The following DENND2B variants were observed in gnomAD, a reference collection of about 807,000 sequenced individuals.
DENND2B encodes the protein DENN domain containing 2B, also known as DENN domain-containing protein 2B.
In DENND2B, 32 loss-of-function variants were observed where a neutral mutation model predicts 116.0. The observed-to-expected ratio is 0.28, with a 90% CI of 0.21 to 0.37. DENND2B has a LOEUF of 0.37. DENND2B is among the 10% of genes least tolerant of loss of function. The pLI is 1.00. For synonymous variants in DENND2B, 588 were observed against 583.9 expected, an observed-to-expected ratio of 1.01 and a Z score of -0.10; for missense variants, 1,276 against 1,477.7, an observed-to-expected ratio of 0.86 and a Z score of 2.24.
chr11:8,766,647 C>T (rs1306581182), intron 1 of DENND2B: 2 of 1,289,182 alleles, frequency 1.6e-6, no homozygotes, highest in Admixed American at 4.6e-5. Context: ...CTTCTTTGTT[C>T]CCACGGGGTT....
chr11:8,749,244 T>C (rs1363667153), intron 2 of DENND2B, among the ~76,000 whole-genome samples: 1 of 152,198 alleles, frequency 6.6e-6, no homozygotes, highest in African/African-American at 2.4e-5. Context: ...ACCAACATGT[T>C]CTGGAGGAGG....
chr11:8,718,142 G>C (rs968383068), intron 4 of DENND2B: 14 of 96,356 alleles, frequency 1.5e-4, no homozygotes, highest in Non-Finnish European at 2.7e-4. Flanking sequence ...AGCTCAGCCT[G>C]GCCTCTGCTT....
chr11:8,838,614 T>TC (rs1230363845), intron 4 of DENND2B, among the ~76,000 whole-genome samples: 1 of 151,960 alleles, frequency 6.6e-6, no homozygotes, highest in Non-Finnish European at 1.5e-5. Context: ...CAGAGGGAAA[T>TC]CGAAGAGACC....
chr11:8,863,959 G>C (rs2063493333), intron 2 of DENND2B, among the ~76,000 whole-genome samples: 1 of 152,086 alleles, frequency 6.6e-6, no homozygotes, highest in Non-Finnish European at 1.5e-5. Flanking sequence ...AGACTTTCAA[G>C]AAAAGCTTCT....
At chr11:8,816,995 T>G (rs2061590849) in intron 4 of DENND2B, among the ~76,000 whole-genome samples, 1 of 152,014 alleles carries the variant, frequency 6.6e-6, no homozygotes, top group Non-Finnish European at 1.5e-5. Context: ...CCATCACCAA[T>G]GAACAGTAGC....
At position 8,855,682 on chromosome 11, in the gene DENND2B, C is replaced by G. The variant is rs9787966; in HGVS notation, c.-156+1661G>C. Among the ~76,000 whole-genome samples, 107 of 152,064 alleles carry G rather than the reference C, an allele frequency of 7.0e-4. 2 individuals are homozygous for G. In the East Asian group the frequency reaches 0.021, roughly 29 times the overall value. ...GGGATTACATGGCAACAGAGATTCTCCTGGAAGGGTTTCTAACTTTAGGGC... is the reference window on the plus strand; with the variant it reads ...GGGATTACATGGCAACAGAGATTCTGCTGGAAGGGTTTCTAACTTTAGGGC... On this transcript the variant is annotated intron_variant, in intron 3 of 6. Coordinates refer to the DENND2B transcript ENST00000524757.
At position 8,718,318 on chromosome 11, in the gene DENND2B, T is replaced by C. The variant is rs907565711; in HGVS notation, c.1478-426A>G. The C allele has an allele frequency of 2.7e-6, 4 of 1,503,394 alleles. No individual in the cohort carries two copies. In the African/African-American group the frequency reaches 4.2e-5, roughly 16 times the overall value. The allele number at this position is 1,503,394 out of a possible 1,614,324, so 93.1% of individuals were successfully genotyped here. On this transcript the variant is annotated intron_variant, in intron 4 of 19. Transcript: ENST00000313726. The stretch of plus-strand genomic sequence containing the variant: ...GAAGGGTTTTCAGGTCACATGGCTG[T>C]CCCTTCACCCAACTCTCAGGGGATC...
rs114265331 is a variant in DENND2B, at chr11:8,697,394, G to C, written c.3052+131C>G. On this transcript the variant is annotated intron_variant, in intron 17 of 19. Transcript: ENST00000313726. ...ACTACCTGGGGTAGAAAAGACGCTA[G>C]AGTGAGACCAAGGTCCTCATCAGCC... 4.0e-4 allele frequency: 269 copies of C among 676,046 alleles called. 1 individual carries two copies. The African/African-American group carries it at 4.4e-3, about 11-fold the overall frequency. 41.9% of individuals were successfully genotyped at this position (676,046 alleles called of 1,614,324 possible).
chr11:8,841,322 G>GAAAC (rs957013833), intron 3 of DENND2B, among the ~76,000 whole-genome samples: 10 of 151,950 alleles, frequency 6.6e-5, no homozygotes, highest in African/African-American at 9.7e-5. Flanking sequence ...TCCAAATTAA[G>GAAAC]AAACAAACAA....
chr11:8,803,839 T>C (rs982300081), intron 1 of DENND2B, among the ~76,000 whole-genome samples: 21 of 152,292 alleles, frequency 1.4e-4, no homozygotes, highest in Admixed American at 1.2e-3. Flanking sequence ...GCCTATTCTA[T>C]GCTCTAAGCT....
intron 1 of DENND2B, among the ~76,000 whole-genome samples, chr11:8,781,195 C>T (rs2058335359): frequency 6.6e-6 from 1 of 152,040 alleles, no homozygotes; most frequent in Non-Finnish European, 1.5e-5. Context: ...CTAATTATGC[C>T]AAAAAGAGGA....
At chr11:8,746,528 A>G (rs1207918328) in intron 2 of DENND2B, among the ~76,000 whole-genome samples, 1 of 152,214 alleles carries the variant, frequency 6.6e-6, no homozygotes, top group Non-Finnish European at 1.5e-5. Context: ...ACTTTATGAG[A>G]TACTATATGA....
At chr11:8,795,989 G>C (rs541864234) in intron 1 of DENND2B, among the ~76,000 whole-genome samples, 3 of 152,186 alleles carry the variant, frequency 2.0e-5, no homozygotes, top group Admixed American at 6.5e-5. Context: ...AACAGACTGG[G>C]AAGGGGAGAC....
intron 1 of DENND2B, among the ~76,000 whole-genome samples, chr11:8,786,245 G>C (rs1445767692): frequency 1.3e-5 from 2 of 152,002 alleles, no homozygotes; most frequent in Non-Finnish European, 2.9e-5. Context: ...GTCTCTGTGA[G>C]AGCTATAGAA....
chr11:8,868,982 T>G (rs1286027301), intron 2 of DENND2B, among the ~76,000 whole-genome samples: 1 of 152,246 alleles, frequency 6.6e-6, no homozygotes, highest in Non-Finnish European at 1.5e-5. Flanking sequence ...TTATGATTTT[T>G]TATGCGATTT....
intron 1 of DENND2B, among the ~76,000 whole-genome samples, chr11:8,802,277 G>A (rs149794481): frequency 2.7e-5 from 4 of 148,060 alleles, no homozygotes; most frequent in African/African-American, 1.0e-4. Flanking sequence ...CTCCAGCCTG[G>A]GCGACAGTGA....
chr11:8,741,822 G>A (rs1381551445), intron 2 of DENND2B, among the ~76,000 whole-genome samples: 12 of 152,158 alleles, frequency 7.9e-5, no homozygotes, highest in African/African-American at 2.2e-4. Context: ...TCCCCCAGAC[G>A]TGGGGTTAAG....
At chr11:8,812,338 C>G (rs560899071), upstream of DENND2B, among the ~76,000 whole-genome samples, 24 of 152,260 alleles carry the variant, frequency 1.6e-4, no homozygotes, top group African/African-American at 5.1e-4. Context: ...AGATGTAAAA[C>G]GTCCTGATGC....
chr11:8,747,529 G>A (rs951520084), intron 2 of DENND2B, among the ~76,000 whole-genome samples: 1 of 152,100 alleles, frequency 6.6e-6, no homozygotes, highest in African/African-American at 2.4e-5. Flanking sequence ...TCCCACCCCA[G>A]GTCATCAACA....
Sources: gnomAD v4.1 joint callset for allele counts (sites outside exome capture counted in the v4.1 genomes callset) on GRCh38, gnomAD v4.1.1 for gene constraint, MANE v1.5 for transcripts, NCBI Gene and HGNC (gene_info 2026-07-23, HGNC 2026-07-21) for gene names.